Variants in CRPPA observed in about 807,000 individuals in gnomAD.
The protein encoded by CRPPA is CDP-L-ribitol pyrophosphorylase A.
In CRPPA, 43 loss-of-function variants were observed where a neutral mutation model predicts 52.0. The observed-to-expected ratio is 0.83, with a 90% CI of 0.65 to 1.07. The LOEUF (loss-of-function observed/expected upper bound fraction) is 1.07. Ranked by LOEUF, CRPPA falls within the 50% of genes least tolerant of loss-of-function variation. CRPPA has a pLI of 0.00. For missense variants in CRPPA, 629 were observed against 551.7 expected, an observed-to-expected ratio of 1.14 and a Z score of -1.40; for synonymous variants, 250 against 203.5, an observed-to-expected ratio of 1.23 and a Z score of -1.94.
chr7:16,304,400 T>C (rs116853350), intron 4 of CRPPA, among the ~76,000 whole-genome samples: 6,005 of 152,232 alleles, frequency 0.039, 154 homozygotes, highest in Non-Finnish European at 0.063. Context: ...AATGTTTACC[T>C]TTTACTTTTA....
At chr7:16,401,492 G>A (rs1434481999) in intron 2 of CRPPA, among the ~76,000 whole-genome samples, 1 of 152,172 alleles carries the variant, frequency 6.6e-6, no homozygotes, top group Non-Finnish European at 1.5e-5. Flanking sequence ...AGAGGTGCTG[G>A]AGTACAAAGC....
At chr7:16,414,166 T>G (rs1283433150) in intron 1 of CRPPA, among the ~76,000 whole-genome samples, 3 of 152,162 alleles carry the variant, frequency 2.0e-5, no homozygotes, top group Non-Finnish European at 2.9e-5. Context: ...AAAAACCTCA[T>G]GAACTATGAG....
At chr7:16,184,182 C>A (rs1198787143) in intron 9 of CRPPA, among the ~76,000 whole-genome samples, 1 of 152,068 alleles carries the variant, frequency 6.6e-6, no homozygotes, top group Admixed American at 6.6e-5. Context: ...ACCTCATGAT[C>A]TGCCCACCTT....
chr7:16,237,822 G>C (rs1782991687), intron 8 of CRPPA, among the ~76,000 whole-genome samples: 1 of 152,154 alleles, frequency 6.6e-6, no homozygotes, highest in African/African-American at 2.4e-5. Context: ...GACACACTCA[G>C]TGGCTCTTTC....
chr7:16,102,186 G>A (rs956556858), intron 9 of CRPPA, among the ~76,000 whole-genome samples: 1 of 151,874 alleles, frequency 6.6e-6, no homozygotes, highest in African/African-American at 2.4e-5. Flanking sequence ...TCACCAACCT[G>A]ACAAAAACAA....
chr7:16,294,591 T>A (rs1268263927), intron 5 of CRPPA, among the ~76,000 whole-genome samples: 2 of 152,096 alleles, frequency 1.3e-5, no homozygotes, highest in East Asian at 3.9e-4. Context: ...AAACATACAG[T>A]CACAGTATTC....
chr7:16,198,603 TTGTCTC>T (rs914476802), intron 9 of CRPPA, among the ~76,000 whole-genome samples: 2 of 144,500 alleles, frequency 1.4e-5, no homozygotes, highest in Admixed American at 6.9e-5. Flanking sequence ...TCTCTATACT[TTGTCTC>T]TGTGTCTTTT....
chr7:16,284,438 C>A (rs1784381252), intron 5 of CRPPA, among the ~76,000 whole-genome samples: 1 of 152,062 alleles, frequency 6.6e-6, no homozygotes, highest in Non-Finnish European at 1.5e-5. Flanking sequence ...AGAATTATTG[C>A]TGTTATGGAC....
intron 2 of CRPPA, among the ~76,000 whole-genome samples, chr7:16,387,587 C>T (rs934569945): frequency 3.4e-5 from 5 of 148,854 alleles, no homozygotes; most frequent in Non-Finnish European, 6.0e-5. Context: ...CTATCACATG[C>T]TGTCTACAAG....
At chr7:16,189,428 A>G (rs1781564981) in intron 9 of CRPPA, among the ~76,000 whole-genome samples, 1 of 152,206 alleles carries the variant, frequency 6.6e-6, no homozygotes, top group Non-Finnish European at 1.5e-5. Flanking sequence ...TATTATCTGG[A>G]AAGTGATGGC....
intron 9 of CRPPA, among the ~76,000 whole-genome samples, chr7:16,189,660 A>G (rs772206549): frequency 1.7e-4 from 26 of 152,210 alleles, no homozygotes; most frequent in Non-Finnish European, 3.2e-4. Flanking sequence ...CCTGACAGCA[A>G]CATCAAAGAT....
chr7:16,109,025 T>C (rs1230106979), intron 9 of CRPPA, among the ~76,000 whole-genome samples: 3 of 151,144 alleles, frequency 2.0e-5, no homozygotes, highest in Non-Finnish European at 3.0e-5. Context: ...CTCAAGAAAC[T>C]AGAAAAAGAC....
intron 8 of CRPPA, among the ~76,000 whole-genome samples, chr7:16,217,211 C>T (rs1265857762): frequency 5.0e-5 from 7 of 141,076 alleles, no homozygotes; most frequent in South Asian, 2.4e-4. Flanking sequence ...GGTATTCCAA[C>T]AGACCTGCAG....
chr7:16,324,809 A>T (rs1297958610), intron 3 of CRPPA, among the ~76,000 whole-genome samples: 1 of 152,212 alleles, frequency 6.6e-6, no homozygotes, highest in African/African-American at 2.4e-5. Context: ...TCTTTGACTA[A>T]ATTTATCCAC....
Position 16,342,796 on chromosome 7 carries a change from T to G in CRPPA, c.684+33296A>C, listed in dbSNP as rs1289690958. On this transcript the variant is annotated intron_variant, in intron 3 of 9. Transcript: ENST00000407010. ...AAAAAAAAAAAAATATATATATATA[T>G]ATCTATATAGATATATAGATATACA... 8.3e-4 allele frequency among the ~76,000 whole-genome samples: 68 copies of G among 82,078 alleles called. 6 individuals carry two copies. Among genetic ancestry groups the G allele is most frequent in the East Asian group, 2.1e-3 (6 of 2,890 alleles). 53.8% of individuals were successfully genotyped at this position (82,078 alleles called of 152,430 possible).
At chr7:16,361,385 G>A (rs900166266) in intron 3 of CRPPA, among the ~76,000 whole-genome samples, 1 of 152,168 alleles carries the variant, frequency 6.6e-6, no homozygotes, top group African/African-American at 2.4e-5. Flanking sequence ...ACTGAAAGCC[G>A]AGACTCCAAC....
At chr7:16,101,555 T>C (rs1242530459) in intron 9 of CRPPA, among the ~76,000 whole-genome samples, 1 of 152,026 alleles carries the variant, frequency 6.6e-6, no homozygotes, top group Non-Finnish European at 1.5e-5. Context: ...TTCTTTATTA[T>C]TCTGGCTAGT....
intron 6 of CRPPA, among the ~76,000 whole-genome samples, chr7:16,265,582 T>A (rs1195654336): frequency 1.3e-5 from 2 of 152,222 alleles, no homozygotes; most frequent in Non-Finnish European, 2.9e-5. Context: ...TTTGAATATA[T>A]GTAAAGACCC....
chr7:16,162,892 T>C (rs1340695136), intron 9 of CRPPA, among the ~76,000 whole-genome samples: 1 of 152,142 alleles, frequency 6.6e-6, no homozygotes, highest in Non-Finnish European at 1.5e-5. Context: ...TTAGGAGAGT[T>C]AGCTCTTCCT....
Sources: gnomAD v4.1 joint callset for allele counts (sites outside exome capture counted in the v4.1 genomes callset) on GRCh38, gnomAD v4.1.1 for gene constraint, MANE v1.5 for transcripts, NCBI Gene and HGNC (gene_info 2026-07-23, HGNC 2026-07-21) for gene names.